The following INPP4B variants were observed in gnomAD, a reference collection of about 807,000 sequenced individuals.
The protein encoded by INPP4B is inositol polyphosphate 4-phosphatase type II.
INPP4B carries 55 observed loss-of-function variants against 122.5 expected under a neutral mutation model. The ratio of observed to expected loss-of-function variants is 0.45; its 90% CI spans 0.36 to 0.56. The LOEUF (loss-of-function observed/expected upper bound fraction) is 0.56, where lower values mean the gene tolerates loss of function less well. INPP4B is among the 20% of genes least tolerant of loss of function. The pLI is 0.00. For synonymous variants in INPP4B, 403 were observed against 388.7 expected, an observed-to-expected ratio of 1.04 and a Z score of -0.43; for missense variants, 1,000 against 1,097.7, an observed-to-expected ratio of 0.91 and a Z score of 1.26.
intron 1 of INPP4B, among the ~76,000 whole-genome samples, chr4:142,796,506 C>G (rs1238430710): frequency 2.6e-5 from 4 of 151,896 alleles, no homozygotes; most frequent in African/African-American, 9.7e-5. Flanking sequence ...CGGTTGATAG[C>G]AGGCAAAAGG....
intron 7 of INPP4B, among the ~76,000 whole-genome samples, chr4:142,366,446 A>C (rs1419366432): frequency 6.6e-6 from 1 of 152,194 alleles, no homozygotes; most frequent in Non-Finnish European, 1.5e-5. Flanking sequence ...CTATTTCTAA[A>C]TTAAAAGACG....
chr4:142,176,987 C>A (rs539780637), intron 15 of INPP4B, among the ~76,000 whole-genome samples: 3 of 152,164 alleles, frequency 2.0e-5, no homozygotes, highest in African/African-American at 4.8e-5. Flanking sequence ...GCTCTCCTAA[C>A]CTTTTTCATC....
rs551996377 is a variant in INPP4B at position 142,498,880 on chromosome 4, T to C, written c.-190-36154A>G. 1.4e-3 allele frequency among the ~76,000 whole-genome samples: 218 copies of C among 152,282 alleles called. 4 individuals are homozygous for C. In the South Asian group the frequency reaches 0.045, roughly 32 times the overall value. Reference sequence around the variant, plus strand: ...AAATTAAAAAGGAATTAATTTGAAATACTATGATTTAGCTTAGAAGATACT... The same window carrying C: ...AAATTAAAAAGGAATTAATTTGAAACACTATGATTTAGCTTAGAAGATACT... On this transcript the variant is annotated intron_variant, in intron 2 of 25. Coordinates refer to ENST00000262992, the MANE Select transcript of INPP4B (RefSeq NM_001101669.3).
At chr4:142,762,960 G>A (rs766735704) in intron 1 of INPP4B, among the ~76,000 whole-genome samples, 7 of 152,128 alleles carry the variant, frequency 4.6e-5, no homozygotes, top group Non-Finnish European at 8.8e-5. Flanking sequence ...CTTCCATCAT[G>A]TGAGGACACA....
At chr4:142,062,504 G>A (rs1048283751) in intron 25 of INPP4B, among the ~76,000 whole-genome samples, 1 of 152,196 alleles carries the variant, frequency 6.6e-6, no homozygotes, top group African/African-American at 2.4e-5. Flanking sequence ...GGGAGGCTGA[G>A]GCGGGTGGAT....
chr4:142,564,439 C>CAAAAA (rs199803105), intron 2 of INPP4B, among the ~76,000 whole-genome samples: 12,806 of 94,572 alleles, frequency 0.14, 776 homozygotes, highest in East Asian at 0.45. Flanking sequence ...TAAGGAATGG[C>CAAAAA]AAAAAAAAAA....
At chr4:142,280,523 G>A (rs1247084646) in intron 9 of INPP4B, among the ~76,000 whole-genome samples, 2 of 151,888 alleles carry the variant, frequency 1.3e-5, no homozygotes, top group African/African-American at 2.4e-5. Flanking sequence ...ATCAGTGGTG[G>A]CCAGGGGTTG....
At chr4:142,794,929 T>C (rs1309697578) in intron 1 of INPP4B, among the ~76,000 whole-genome samples, 2 of 145,256 alleles carry the variant, frequency 1.4e-5, no homozygotes, top group Non-Finnish European at 3.0e-5. Flanking sequence ...TACACTTTTT[T>C]CATGTTATAT....
chr4:142,148,917 T>C (rs111240388), intron 17 of INPP4B, among the ~76,000 whole-genome samples: 1 of 152,246 alleles, frequency 6.6e-6, no homozygotes, highest in Non-Finnish European at 1.5e-5. Flanking sequence ...CAGTCTCTTC[T>C]GTGTTACTAA....
chr4:142,833,308 T>C (rs1323334760), intron 1 of INPP4B, among the ~76,000 whole-genome samples: 2 of 152,272 alleles, frequency 1.3e-5, no homozygotes, highest in Admixed American at 6.5e-5. Flanking sequence ...TTGAGTGTAC[T>C]TGTAATTCAA....
chr4:142,053,710 T>C (rs1226231897), intron 25 of INPP4B, among the ~76,000 whole-genome samples: 1 of 151,988 alleles, frequency 6.6e-6, no homozygotes, highest in Admixed American at 6.6e-5. Flanking sequence ...ACCTAGAAAA[T>C]TGTGGGAGGG....
intron 3 of INPP4B, among the ~76,000 whole-genome samples, chr4:142,433,211 G>A (rs1809704251): frequency 6.6e-6 from 1 of 152,132 alleles, no homozygotes; most frequent in Admixed American, 6.6e-5. Flanking sequence ...TGCATTTTTA[G>A]CTGTTAAGTA....
At chr4:142,584,011 T>G (rs35282189) in intron 2 of INPP4B, among the ~76,000 whole-genome samples, 5,141 of 152,186 alleles carry the variant, frequency 0.034, 112 homozygotes, top group Middle Eastern at 0.058. Context: ...CCTCTCAGCC[T>G]TAGAAACCTA....
At chr4:142,119,205 A>C (rs1795315117) in intron 21 of INPP4B, among the ~76,000 whole-genome samples, 1 of 152,192 alleles carries the variant, frequency 6.6e-6, no homozygotes. Context: ...GTGGGACTGT[A>C]AACTAGTTCA....
At chr4:142,214,476 G>A (rs73850823) in intron 12 of INPP4B, among the ~76,000 whole-genome samples, 3,377 of 152,268 alleles carry the variant, frequency 0.022, 141 homozygotes, top group African/African-American at 0.075. Context: ...TTATAAAGGG[G>A]TTGATTAGCG....
chr4:142,147,330 T>G (rs1332989961), intron 17 of INPP4B, among the ~76,000 whole-genome samples: 1 of 152,202 alleles, frequency 6.6e-6, no homozygotes, highest in African/African-American at 2.4e-5. Context: ...AATCAAGGAA[T>G]AGAAACTAAA....
intron 17 of INPP4B, among the ~76,000 whole-genome samples, chr4:142,155,976 A>G (rs1236733845): frequency 6.8e-6 from 1 of 147,630 alleles, no homozygotes; most frequent in Non-Finnish European, 1.5e-5. Flanking sequence ...TATGTAACAT[A>G]AACACATTTA....
At chr4:142,259,025 TA>T (rs745536849) in intron 11 of INPP4B, among the ~76,000 whole-genome samples, 1 of 151,854 alleles carries the variant, frequency 6.6e-6, no homozygotes, top group Non-Finnish European at 1.5e-5. Context: ...TATGCAGCCA[TA>T]AAAAATGATG....
chr4:142,058,232 T>C (rs1043195512), intron 25 of INPP4B, among the ~76,000 whole-genome samples: 2 of 152,112 alleles, frequency 1.3e-5, no homozygotes, highest in African/African-American at 2.4e-5. Context: ...AAGCTTATGA[T>C]CACAATATTT....
Sources: allele counts gnomAD v4.1 joint callset (sites outside exome capture counted in the v4.1 genomes callset), GRCh38; gene constraint gnomAD v4.1.1; transcripts MANE v1.5; gene names NCBI Gene and HGNC (gene_info 2026-07-23, HGNC 2026-07-21).